Variants in UGT2A1 observed in about 807,000 individuals in gnomAD.
UGT2A1 encodes the protein UDP glucuronosyltransferase family 2 member A1 complex locus.
Under a neutral mutation model 45.4 loss-of-function variants are expected in UGT2A1, and 61 were observed. The ratio of observed to expected loss-of-function variants is 1.34; its 90% CI spans 1.09 to 1.66. The LOEUF (loss-of-function observed/expected upper bound fraction) is 1.66. UGT2A1 is among the 40% of genes most tolerant of loss of function. The pLI is 0.00. For missense variants in UGT2A1, 649 were observed against 574.3 expected (o/e 1.13, Z -1.33); for synonymous variants, 229 against 196.2 (o/e 1.17, Z -1.40).
At chr4:69,590,419 T>C (rs1718520961) in intron 6 of UGT2A1, among the ~76,000 whole-genome samples, 1 of 152,202 alleles carries the variant, frequency 6.6e-6, no homozygotes, top group Admixed American at 6.5e-5. Context: ...GCAGTTTCCC[T>C]AGTTGTTAAA....
At chr4:69,632,306 A>C (rs1010868369) in intron 3 of UGT2A1, among the ~76,000 whole-genome samples, 1 of 152,192 alleles carries the variant, frequency 6.6e-6, no homozygotes, top group Non-Finnish European at 1.5e-5. Flanking sequence ...TTTGGGGTTA[A>C]TAAGGGGTCT....
intron 6 of UGT2A1, among the ~76,000 whole-genome samples, chr4:69,591,866 A>T (rs1718613817): frequency 6.6e-6 from 1 of 152,234 alleles, no homozygotes; most frequent in African/African-American, 2.4e-5. Flanking sequence ...CTAATTGACT[A>T]GTCATTAAAG....
At chr4:69,617,667 G>A (rs894100396) in intron 3 of UGT2A1, among the ~76,000 whole-genome samples, 41 of 151,572 alleles carry the variant, frequency 2.7e-4, no homozygotes, top group Non-Finnish European at 4.4e-5. Context: ...GCAACATACA[G>A]GGTCCATTAA....
chr4:69,649,024 G>A (rs909433501), intron 1 of UGT2A1, among the ~76,000 whole-genome samples: 2 of 151,976 alleles, frequency 1.3e-5, no homozygotes, highest in African/African-American at 2.4e-5. Flanking sequence ...GGATAATATC[G>A]GATCAAGTAA....
At position 69,647,636 on chromosome 4, in the gene UGT2A1, G is replaced by T; in HGVS notation, c.9C>A (p.Asn3Lys). ML[N>K]NLLLFSLQIS... ...TCTGAAGGGAGAACAGCAGAAGGTT[G>T]TTTAACATGATGTGGCTTGATGCAG... The change falls in exon 2 of 7, where the codon AAC becomes AAA. Residue 3 changes from asparagine to lysine, a missense_variant. Coordinates refer to ENST00000286604, the MANE Select transcript of UGT2A1 (RefSeq NM_001252275.3). The T allele has an allele frequency of 6.4e-7, 1 of 1,566,568 alleles. No individual in the cohort carries two copies. The highest frequency in any genetic ancestry group is 1.2e-5 in the South Asian group (1 of 82,650).
At chr4:69,644,691 CTCT>C (rs111395069) in intron 2 of UGT2A1, among the ~76,000 whole-genome samples, 3,568 of 151,788 alleles carry the variant, frequency 0.024, 159 homozygotes, top group African/African-American at 0.082. Context: ...GAATAGCTAG[CTCT>C]TCTTTTACAT....
At chr4:69,632,645 T>C (rs1286192708) in intron 3 of UGT2A1, among the ~76,000 whole-genome samples, 1 of 152,046 alleles carries the variant, frequency 6.6e-6, no homozygotes, top group African/African-American at 2.4e-5. Flanking sequence ...ATCCCAGCAC[T>C]TTGGGAGGCA....
chr4:69,597,293 T>C (rs1360278925), intron 4 of UGT2A1, among the ~76,000 whole-genome samples: 1 of 152,184 alleles, frequency 6.6e-6, no homozygotes, highest in African/African-American at 2.4e-5. Context: ...AGTGCATCTC[T>C]TTCTTCTTGA....
In UGT2A1 at chr4:69,647,214, A is replaced by C; in HGVS notation, c.431T>G (p.Phe144Cys). Residue 144 changes from phenylalanine to cysteine, a missense_variant, in exon 2 of 7, where the codon TTT becomes TGT. Coordinates refer to ENST00000286604, the MANE Select transcript of UGT2A1 (RefSeq NM_001252275.3). ...QLMAKLKKSK[F>C]EVLVSDPVFP... The stretch of plus-strand genomic sequence containing the variant: ...TACTGGATCAGACACCAGGACTTCA[A>C]ACTTGCTTTTCTTTAGCTTTGCCAT... 1.2e-6 allele frequency: 2 copies of C among 1,613,324 alleles called. No individual in the cohort carries two copies. Among genetic ancestry groups the C allele is most frequent in the Middle Eastern group, 1.7e-4 (1 of 6,056 alleles).
At chr4:69,651,881 G>A (rs1359018723) in intron 1 of UGT2A1, among the ~76,000 whole-genome samples, 1 of 152,166 alleles carries the variant, frequency 6.6e-6, no homozygotes, top group Non-Finnish European at 1.5e-5. Context: ...GGTAAGAAGG[G>A]CACTGCACAT....
At chr4:69,634,439 G>A (rs1455017592) in intron 3 of UGT2A1, among the ~76,000 whole-genome samples, 2 of 151,932 alleles carry the variant, frequency 1.3e-5, no homozygotes, top group African/African-American at 4.8e-5. Flanking sequence ...ACGGAGAGAA[G>A]CAATAAATAC....
Position 69,594,536 on chromosome 4 carries a change from T to G in UGT2A1, c.1245A>C (p.Leu415=), listed in dbSNP as rs749304766. ...KAKGAAVEVN[L]NTMTSVDLLS... ...GCAAATCCACACTTGTCATTGTGTT[T>G]AGGTTCACTTCCACAGCTGCTCCTT... Residue 415 remains leucine, a synonymous_variant, in exon 6 of 7, where the codon CTA becomes CTC. Transcript: ENST00000286604. The G allele has an allele frequency of 1.2e-6, 2 of 1,614,076 alleles. No individual in the cohort carries two copies. The highest frequency in any genetic ancestry group is 2.2e-5 in the East Asian group (1 of 44,892).
chr4:69,652,523 G>A (rs963064358), intron 1 of UGT2A1, among the ~76,000 whole-genome samples: 10 of 151,720 alleles, frequency 6.6e-5, no homozygotes, highest in East Asian at 1.9e-4. Flanking sequence ...CACCCTCCTC[G>A]GCCTCCCAAA....
chr4:69,643,023 G>A (rs995640323), intron 2 of UGT2A1, among the ~76,000 whole-genome samples: 2 of 151,080 alleles, frequency 1.3e-5, no homozygotes, highest in Non-Finnish European at 3.0e-5. Context: ...ATTTTTTGAA[G>A]GTATACATTC....
chr4:69,600,682 G>A (rs983091888), intron 3 of UGT2A1, among the ~76,000 whole-genome samples: 3 of 152,086 alleles, frequency 2.0e-5, no homozygotes, highest in Non-Finnish European at 4.4e-5. Flanking sequence ...AGGAAGCATA[G>A]TGGTTTCTGC....
rs1719136204 is a variant in UGT2A1, at chr4:69,599,539, A to G, written c.848-145T>C. 7.0e-6 allele frequency: 8 copies of G among 1,144,376 alleles called. No homozygotes were observed. The South Asian group carries it at 1.1e-4, about 15-fold the overall frequency. 70.9% of individuals were successfully genotyped at this position (1,144,376 alleles called of 1,614,324 possible). On this transcript the variant is annotated intron_variant, in intron 3 of 6. Coordinates refer to ENST00000286604, the MANE Select transcript of UGT2A1 (RefSeq NM_001252275.3). ...GAATACTTATCATGTTTATATATTAAGAAGAAGGAGAAATTAAAGAGGATG... is the reference window on the plus strand; with the variant it reads ...GAATACTTATCATGTTTATATATTAGGAAGAAGGAGAAATTAAAGAGGATG...
intron 3 of UGT2A1, chr4:69,599,597 AAGGAAGGG>A (rs1281492745): frequency 1.1e-5 from 8 of 724,966 alleles, no homozygotes; most frequent in Admixed American, 8.3e-5. Context: ...GAAAAGAAGG[AAGGAAGGG>A]AGGAAGGGAG....
intron 3 of UGT2A1, among the ~76,000 whole-genome samples, chr4:69,612,474 C>T (rs1343187432): frequency 2.0e-5 from 3 of 151,868 alleles, no homozygotes; most frequent in African/African-American, 7.3e-5. Flanking sequence ...ACCATACTAC[C>T]CAACTTCAAA....
At chr4:69,591,418 A>G (rs1380605135) in intron 6 of UGT2A1, among the ~76,000 whole-genome samples, 4 of 152,204 alleles carry the variant, frequency 2.6e-5, no homozygotes, top group African/African-American at 9.6e-5. Flanking sequence ...GAGTTTCTCT[A>G]AAGACCTGGG....
Sources: allele counts gnomAD v4.1 joint callset (sites outside exome capture counted in the v4.1 genomes callset), GRCh38; gene constraint gnomAD v4.1.1; transcripts MANE v1.5; gene names NCBI Gene and HGNC (gene_info 2026-07-23, HGNC 2026-07-21).